Variants in COL26A1 observed in about 807,000 individuals in gnomAD.
COL26A1 encodes the protein collagen type XXVI alpha 1 chain.
COL26A1 carries 41 observed loss-of-function variants against 59.3 expected under a neutral mutation model. The ratio of observed to expected loss-of-function variants is 0.69; its 90% CI spans 0.54 to 0.90. COL26A1 has a LOEUF of 0.90. Ranked by LOEUF, COL26A1 falls within the 40% of genes least tolerant of loss-of-function variation. The pLI, the probability that COL26A1 is intolerant of heterozygous loss-of-function variation, is 0.00. For missense variants in COL26A1, 612 were observed against 602.3 expected, an observed-to-expected ratio of 1.02 and a Z score of -0.17; for synonymous variants, 266 against 256.0, an observed-to-expected ratio of 1.04 and a Z score of -0.37.
At chr7:101,503,344 G>A (rs1362870240) in intron 3 of COL26A1, among the ~76,000 whole-genome samples, 1 of 152,206 alleles carries the variant, frequency 6.6e-6, no homozygotes, top group African/African-American at 2.4e-5. Context: ...ACCCTGGGGG[G>A]TCCTATTTAA....
chr7:101,404,508 T>TGGC (rs1792083512), intron 1 of COL26A1, among the ~76,000 whole-genome samples: 2 of 152,192 alleles, frequency 1.3e-5, no homozygotes, highest in African/African-American at 4.8e-5. Flanking sequence ...GCAGTTCACC[T>TGGC]TCCCAGGGGA....
intron 3 of COL26A1, among the ~76,000 whole-genome samples, chr7:101,477,032 C>T (rs1234106805): frequency 4.6e-5 from 7 of 151,688 alleles, no homozygotes; most frequent in Non-Finnish European, 4.4e-5. Context: ...TTAGTAGAGA[C>T]CAGATTTCAC....
At chr7:101,496,251 G>A (rs928948535) in intron 3 of COL26A1, among the ~76,000 whole-genome samples, 13 of 152,190 alleles carry the variant, frequency 8.5e-5, no homozygotes, top group African/African-American at 2.9e-4. Flanking sequence ...TGGACCAGTC[G>A]GCTGTGGCCA....
chr7:101,449,293 A>G (rs1196267632), intron 3 of COL26A1, among the ~76,000 whole-genome samples: 2 of 152,218 alleles, frequency 1.3e-5, no homozygotes, highest in African/African-American at 4.8e-5. Context: ...CTTCAATGCC[A>G]GGACTTGGAC....
intron 1 of COL26A1, among the ~76,000 whole-genome samples, chr7:101,384,789 G>A (rs1000755564): frequency 6.6e-6 from 1 of 152,114 alleles, no homozygotes; most frequent in Non-Finnish European, 1.5e-5. Flanking sequence ...ATAATAAGCC[G>A]TCTACAAGCT....
intron 3 of COL26A1, among the ~76,000 whole-genome samples, chr7:101,469,440 G>A (rs883910): frequency 0.022 from 3,276 of 152,114 alleles, 50 homozygotes; most frequent in Non-Finnish European, 0.034. Context: ...GGCCATAAAC[G>A]GGGTGCCCAG....
chr7:101,420,224 G>A (rs1023694152), intron 2 of COL26A1, 125 bp downstream of exon 2: 2 of 1,137,112 alleles, frequency 1.8e-6, no homozygotes, highest in Non-Finnish European at 2.5e-6. Context: ...TGCATTTATG[G>A]AGCACCTTCT....
intron 3 of COL26A1, among the ~76,000 whole-genome samples, chr7:101,474,625 G>A (rs929529935): frequency 6.6e-6 from 1 of 151,950 alleles, no homozygotes; most frequent in African/African-American, 2.4e-5. Flanking sequence ...ATAAAATACA[G>A]GGTTGCACTG....
chr7:101,436,291 C>A (rs1792912947), intron 2 of COL26A1, among the ~76,000 whole-genome samples: 1 of 152,188 alleles, frequency 6.6e-6, no homozygotes, highest in Admixed American at 6.5e-5. Context: ...CCCCTCCCCG[C>A]TGGCCTGCAG....
chr7:101,431,737 A>G (rs1038183386), intron 2 of COL26A1, among the ~76,000 whole-genome samples: 15 of 151,890 alleles, frequency 9.9e-5, no homozygotes, highest in African/African-American at 3.4e-4. Flanking sequence ...ACATTGAGTA[A>G]CTCTCAAATG....
intron 1 of COL26A1, among the ~76,000 whole-genome samples, chr7:101,385,229 C>CTATAT (rs1339437296): frequency 3.9e-5 from 1 of 25,518 alleles, no homozygotes; most frequent in African/African-American, 8.0e-5. Context: ...CACACACACA[C>CTATAT]ACTATATATA....
intron 7 of COL26A1, among the ~76,000 whole-genome samples, chr7:101,546,124 G>A (rs922161940): frequency 7.9e-5 from 12 of 152,218 alleles, no homozygotes; most frequent in African/African-American, 1.2e-4. Flanking sequence ...GAGAGTGGAC[G>A]GGACCAGGAC....
At chr7:101,543,131 G>C (rs1260817961) in intron 5 of COL26A1, among the ~76,000 whole-genome samples, 1 of 152,020 alleles carries the variant, frequency 6.6e-6, no homozygotes, top group Non-Finnish European at 1.5e-5. Context: ...AGAGTGCAAA[G>C]GGCCCTAAGA....
At chr7:101,390,148 GTTTTTTTTTTTTTTT>G (rs60091954) in intron 1 of COL26A1, among the ~76,000 whole-genome samples, 1 of 72,374 alleles carries the variant, frequency 1.4e-5, no homozygotes, top group African/African-American at 5.0e-5. Flanking sequence ...CATGTTAAGG[GTTTTTTTTTTTTTTT>G]TTTTTTTTTT....
At chr7:101,480,218 T>C (rs2130490110) in intron 3 of COL26A1, among the ~76,000 whole-genome samples, 1 of 152,316 alleles carries the variant, frequency 6.6e-6, no homozygotes, top group South Asian at 2.1e-4. Flanking sequence ...CTATTTCTTT[T>C]GCATTTTGGG....
At chr7:101,555,621 CATAGTTG>C (rs1795956232) in intron 11 of COL26A1, among the ~76,000 whole-genome samples, 159 bp from the exon 12 acceptor site, 1 of 152,006 alleles carries the variant, frequency 6.6e-6, no homozygotes, top group African/African-American at 2.4e-5. Flanking sequence ...CTGTCTGGCA[CATAGTTG>C]ATGATGTTCA....
Position 101,444,986 on chromosome 7 carries a change from G to A in COL26A1, c.282-2698G>A, listed in dbSNP as rs180943909. Among the ~76,000 whole-genome samples the A allele has an allele frequency of 6.5e-3, 992 of 151,620 alleles. 8 individuals are homozygous for A. Among genetic ancestry groups the A allele is most frequent in the African/African-American group, 0.023 (957 of 41,314 alleles). On this transcript the variant is annotated intron_variant, in intron 2 of 12. Transcript: ENST00000313669. ...CTCCTGAGTAGCTGGGACTACAGGT[G>A]CCTGCCATCATGCCTGGCTAATTTT...
intron 1 of COL26A1, among the ~76,000 whole-genome samples, chr7:101,384,830 C>G (rs1287452793): frequency 6.6e-6 from 1 of 152,122 alleles, no homozygotes; most frequent in Non-Finnish European, 1.5e-5. Context: ...GTGGTTCGTC[C>G]TAGTTCCAAA....
At chr7:101,514,904 C>T (rs1794998379) in intron 3 of COL26A1, among the ~76,000 whole-genome samples, 1 of 152,250 alleles carries the variant, frequency 6.6e-6, no homozygotes, top group Admixed American at 6.5e-5. Context: ...TCCTCCCATG[C>T]TCCAGCCCAG....
Sources: allele counts gnomAD v4.1 joint callset (sites outside exome capture counted in the v4.1 genomes callset), GRCh38; gene constraint gnomAD v4.1.1; transcripts MANE v1.5; gene names NCBI Gene and HGNC (gene_info 2026-07-23, HGNC 2026-07-21).